PPIP5K2: variants seen among roughly 807,000 people sequenced by gnomAD.
The protein encoded by PPIP5K2 is diphosphoinositol pentakisphosphate kinase 2, also known as inositol hexakisphosphate and diphosphoinositol-pentakisphosphate kinase 2.
A neutral mutation model predicts 154.6 loss-of-function variants in PPIP5K2; 105 were observed. The observed-to-expected ratio is 0.68, with a 90% CI of 0.58 to 0.80. The LOEUF (loss-of-function observed/expected upper bound fraction) is 0.80. Ranked by LOEUF, PPIP5K2 falls within the 30% of genes least tolerant of loss-of-function variation. The pLI is 0.00. For missense variants in PPIP5K2, 992 were observed against 1,504.6 expected (o/e 0.66, Z 5.64); for synonymous variants, 480 against 490.3 (o/e 0.98, Z 0.28).
At chr5:103,200,795 C>A (rs1381782807) in intron 30 of PPIP5K2, among the ~76,000 whole-genome samples, 3 of 151,806 alleles carry the variant, frequency 2.0e-5, no homozygotes, top group Non-Finnish European at 2.9e-5. Context: ...GCCACCACAC[C>A]CAGCTAATTT....
At chr5:103,200,528 A>G (rs1340341696) in intron 30 of PPIP5K2, among the ~76,000 whole-genome samples, 1 of 151,902 alleles carries the variant, frequency 6.6e-6, no homozygotes, top group Non-Finnish European at 1.5e-5. Flanking sequence ...ATCTGTGGGA[A>G]GATTGGTCTG....
At chr5:103,159,049 AAACTT>A (rs1332753086) in intron 16 of PPIP5K2, 92 bp from the exon 17 acceptor site, 33 of 862,130 alleles carry the variant, frequency 3.8e-5, no homozygotes, top group Middle Eastern at 3.1e-4. Flanking sequence ...TATTTATGAT[AAACTT>A]AACTTATACT....
At chr5:103,154,779 T>G in intron 12 of PPIP5K2, 34 bp downstream of exon 12, 1 of 1,549,516 alleles carries the variant, frequency 6.5e-7, no homozygotes, top group Non-Finnish European at 8.7e-7. Flanking sequence ...TAATTTTAAA[T>G]TTTTTAGTGG....
intron 5 of PPIP5K2, among the ~76,000 whole-genome samples, chr5:103,139,809 C>A (rs1792243640): frequency 6.6e-6 from 1 of 152,166 alleles, no homozygotes; most frequent in South Asian, 2.1e-4. Context: ...AGAATTGTAT[C>A]ATGAGAAATT....
At chr5:103,169,940 C>G (rs574092885) in intron 19 of PPIP5K2, among the ~76,000 whole-genome samples, 12 of 151,664 alleles carry the variant, frequency 7.9e-5, no homozygotes, top group African/African-American at 2.9e-4. Flanking sequence ...AAATGTATCA[C>G]CTACTCAGAG....
At chr5:103,132,960 C>T (rs1024545141) in intron 2 of PPIP5K2, among the ~76,000 whole-genome samples, 9 of 152,144 alleles carry the variant, frequency 5.9e-5, no homozygotes, top group Non-Finnish European at 1.3e-4. Context: ...GTGTGGCTTT[C>T]TTTAAAATTT....
chr5:103,137,142 G>A (rs1554204605), intron 4 of PPIP5K2, among the ~76,000 whole-genome samples: 1 of 151,648 alleles, frequency 6.6e-6, no homozygotes, highest in African/African-American at 2.4e-5. Context: ...ATGAAATTAG[G>A]ACTTTACTCA....
At chr5:103,198,038 T>C (rs1193262457) in intron 30 of PPIP5K2, among the ~76,000 whole-genome samples, 1 of 152,150 alleles carries the variant, frequency 6.6e-6, no homozygotes, top group Non-Finnish European at 1.5e-5. Context: ...CCTTTAAGTT[T>C]CCCTCTAAGC....
intron 5 of PPIP5K2, among the ~76,000 whole-genome samples, chr5:103,141,607 A>G (rs1487005107): frequency 2.0e-5 from 3 of 152,180 alleles, no homozygotes; most frequent in Non-Finnish European, 4.4e-5. Context: ...AAGGTTCTCC[A>G]CGTCCCCATC....
In PPIP5K2 at chr5:103,149,154, T is replaced by G. The variant is rs782038505; in HGVS notation, c.747T>G (p.Val249=). 1 of 1,611,604 alleles carries G rather than the reference T, an allele frequency of 6.2e-7. No individual in the cohort carries two copies. The highest frequency in any genetic ancestry group is 1.1e-5 in the South Asian group (1 of 90,748). Residue 249 remains valine (V), a splice_region_variant and synonymous_variant, in exon 8 of 31, where the codon GTT becomes GTG. Coordinates refer to ENST00000358359, the MANE Select transcript of PPIP5K2 (RefSeq NM_001276277.3). ...CATTTATTAAACATTTGTGAAAGGT[T>G]TATACAGTGGGTCCAGATTATGCCC... is the stretch of plus-strand genomic sequence containing the variant. The part of the protein sequence containing the change: ...FMPTDGTDVK[V]YTVGPDYAHA...
intron 26 of PPIP5K2, 94 bp from the exon 27 acceptor site, chr5:103,186,226 T>A (rs967674233): frequency 6.6e-7 from 1 of 1,520,898 alleles, no homozygotes; most frequent in African/African-American, 1.4e-5. Context: ...TTGCCTTATA[T>A]GTGGTAAGAG....
rs782185659 is a variant in PPIP5K2, at chr5:103,168,163, T to C, written c.2154T>C (p.Tyr718=). The change falls in exon 19 of 31, where the codon TAT becomes TAC. Residue 718 remains tyrosine (Y), a synonymous_variant. Transcript: ENST00000358359. ...EKDFKTKNGR[Y]DISKIPDIYD... The stretch of plus-strand genomic sequence containing the variant: ...ACTTTAAAACAAAGAATGGAAGATA[T>C]GATATTAGTAAAATCCCTGACATAT... The C allele has an allele frequency of 8.1e-6, 13 of 1,608,882 alleles. No homozygotes were observed. Among genetic ancestry groups the C allele is most frequent in the East Asian group, 6.7e-5 (3 of 44,656 alleles).
chr5:103,189,225 T>TTA, intron 28 of PPIP5K2: 1 of 1,521,706 alleles, frequency 6.6e-7, no homozygotes, highest in South Asian at 1.2e-5. Context: ...TAGGCTCCAG[T>TTA]GGTATGTTTT....
At chr5:103,126,437 A>T (rs80225956) in intron 1 of PPIP5K2, among the ~76,000 whole-genome samples, 1 of 152,318 alleles carries the variant, frequency 6.6e-6, no homozygotes, top group Admixed American at 6.5e-5. Context: ...ACTTACACAC[A>T]TATTTTGTAA....
At chr5:103,126,761 T>TTC (rs34821735) in intron 1 of PPIP5K2, among the ~76,000 whole-genome samples, 1 of 151,476 alleles carries the variant, frequency 6.6e-6, no homozygotes, top group African/African-American at 2.4e-5. Context: ...TTTTTTTTTT[T>TTC]CTGTCTGCCT....
chr5:103,200,886 C>T (rs909680662), intron 30 of PPIP5K2, among the ~76,000 whole-genome samples: 6 of 152,220 alleles, frequency 3.9e-5, no homozygotes, highest in South Asian at 2.1e-4. Flanking sequence ...GATCCTCCCA[C>T]GTTGGCCCTC....
In PPIP5K2 at chr5:103,120,448, C is replaced by T. The variant is rs182751303; in HGVS notation, c.-325C>T. 5.3e-4 allele frequency: 241 copies of T among 456,768 alleles called. 2 individuals are homozygous for T. Among genetic ancestry groups the T allele is most frequent in the African/African-American group, 4.6e-3 (229 of 50,180 alleles). 28.3% of individuals were successfully genotyped at this position (456,768 alleles called of 1,614,324 possible). ...GTAACCTAGACCTGAATGGGCTTGACCATCTCACAACTGCTCGCGTGACGA... is the reference window on the plus strand; with the variant it reads ...GTAACCTAGACCTGAATGGGCTTGATCATCTCACAACTGCTCGCGTGACGA... On this transcript the variant is annotated 5_prime_UTR_variant, in exon 1 of 31. Transcript: ENST00000358359.
In PPIP5K2 at chr5:103,166,384, A is replaced by T. The variant is rs1580296926; in HGVS notation, c.1921-795A>T. On this transcript the variant is annotated intron_variant, in intron 17 of 30. Transcript: ENST00000358359. ...AGTTTTGCAAGAGTTTCAGTGGGAG[A>T]TCATTAGGAATCTACCTTGTCGTCC... Among the ~76,000 whole-genome samples, 4 of 152,072 alleles carry T rather than the reference A, an allele frequency of 2.6e-5. No individual in the cohort carries two copies. The East Asian group carries it at 7.7e-4, about 29-fold the overall frequency.
In PPIP5K2 at chr5:103,125,146, T is replaced by G. The variant is rs540644651; in HGVS notation, c.-284-4160T>G. On this transcript the variant is annotated intron_variant, in intron 1 of 30. Coordinates refer to ENST00000358359, the MANE Select transcript of PPIP5K2 (RefSeq NM_001276277.3). ...TCCTATAGTACTTGTTTTCAAAAAC[T>G]GGTTCTCAAACTTGGCTACACATTG... Among the ~76,000 whole-genome samples, 3 of 152,366 alleles carry G rather than the reference T, an allele frequency of 2.0e-5. No homozygotes were observed. The South Asian group carries it at 6.2e-4, about 32-fold the overall frequency.
Sources: gnomAD v4.1 joint callset for allele counts (sites outside exome capture counted in the v4.1 genomes callset) on GRCh38, gnomAD v4.1.1 for gene constraint, MANE v1.5 for transcripts, NCBI Gene and HGNC (gene_info 2026-07-23, HGNC 2026-07-21) for gene names.